Variants in CPNE8 observed in about 807,000 individuals in gnomAD.
The protein encoded by CPNE8 is copine-8.
In CPNE8, 45 loss-of-function variants were observed where a neutral mutation model predicts 81.5. The observed-to-expected ratio is 0.55, with a 90% confidence interval of 0.44 to 0.71. The LOEUF is 0.71. Ranked by LOEUF, CPNE8 falls within the 30% of genes least tolerant of loss-of-function variation. The pLI is 0.00. For missense variants in CPNE8, 594 were observed against 672.1 expected (o/e 0.88, Z 1.28); for synonymous variants, 252 against 226.3 (o/e 1.11, Z -1.02).
intron 13 of CPNE8, among the ~76,000 whole-genome samples, chr12:38,709,315 C>T (rs1018420242): frequency 6.6e-6 from 1 of 152,182 alleles, no homozygotes; most frequent in Non-Finnish European, 1.5e-5. Context: ...ACCTGAATGA[C>T]AATGCAGACA....
intron 1 of CPNE8, among the ~76,000 whole-genome samples, chr12:38,898,250 A>G (rs148015337): frequency 2.0e-5 from 3 of 151,980 alleles, no homozygotes; most frequent in Admixed American, 6.5e-5. Context: ...CCCAAATGCT[A>G]AAAAACACAG....
chr12:38,671,656 C>G (rs142729238), intron 18 of CPNE8, among the ~76,000 whole-genome samples: 1 of 152,112 alleles, frequency 6.6e-6, no homozygotes, highest in East Asian at 1.9e-4. Context: ...TCCAGAGAGC[C>G]GCTTACAATT....
At chr12:38,794,033 G>T (rs989241502) in intron 6 of CPNE8, among the ~76,000 whole-genome samples, 1 of 152,044 alleles carries the variant, frequency 6.6e-6, no homozygotes, top group Non-Finnish European at 1.5e-5. Context: ...TGTTTTGGAT[G>T]CTTATCTTAC....
chr12:38,873,008 C>G lies in CPNE8; in HGVS notation c.182G>C (p.Arg61Thr). 6 of 1,538,126 alleles carry G rather than the reference C, an allele frequency of 3.9e-6. No individual in the cohort carries two copies. The highest frequency in any genetic ancestry group is 5.4e-6 in the Non-Finnish European group (6 of 1,115,166). ...TTAAAAAAGTTTTAAACTTACCTCT[C>G]TCCATTCTTTATTTCCAACTCCTTG... ...YVQGVGNKEW[R>T]EFGRTEVIDN... Residue 61 changes from arginine to threonine, a missense_variant, in exon 3 of 20, where the codon AGA (arginine) becomes ACA (threonine). Coordinates refer to ENST00000331366, the MANE Select transcript of CPNE8 (RefSeq NM_153634.3).
intron 6 of CPNE8, among the ~76,000 whole-genome samples, chr12:38,792,598 A>C (rs906879882): frequency 2.6e-5 from 4 of 151,742 alleles, no homozygotes; most frequent in Admixed American, 2.6e-4. Flanking sequence ...AAAACCTCAC[A>C]ACAAAATTAA....
intron 1 of CPNE8, among the ~76,000 whole-genome samples, chr12:38,894,990 G>A (rs1592161637): frequency 6.6e-6 from 1 of 151,918 alleles, no homozygotes; most frequent in Admixed American, 6.6e-5. Flanking sequence ...GACACATGTT[G>A]GTTTCAACCA....
intron 6 of CPNE8, among the ~76,000 whole-genome samples, chr12:38,796,090 T>A (rs190525634): frequency 8.6e-4 from 131 of 152,126 alleles, no homozygotes; most frequent in African/African-American, 2.9e-3. Flanking sequence ...GTGAAGGCCG[T>A]CTCTACCACA....
chr12:38,767,761 A>G (rs749524111), intron 7 of CPNE8, 23 bp from the exon 8 acceptor site: 1 of 1,438,520 alleles, frequency 7.0e-7, no homozygotes, highest in African/African-American at 1.5e-5. Flanking sequence ...TTAATAAAAC[A>G]GTTCAAGATT....
chr12:38,853,395 A>C (rs770875318), intron 3 of CPNE8, among the ~76,000 whole-genome samples: 2 of 152,144 alleles, frequency 1.3e-5, no homozygotes, highest in Non-Finnish European at 2.9e-5. Flanking sequence ...AATATCAATA[A>C]TACTAGATTA....
intron 13 of CPNE8, chr12:38,720,544 C>T (rs1347759134): frequency 1.3e-5 from 2 of 152,120 alleles, no homozygotes; most frequent in African/African-American, 2.4e-5. Flanking sequence ...AAATTTATAA[C>T]ATTTCAATAC....
intron 10 of CPNE8, 29 bp from the exon 11 acceptor site, chr12:38,730,387 A>C: frequency 8.1e-7 from 1 of 1,237,692 alleles, no homozygotes; most frequent in Non-Finnish European, 1.2e-6. Flanking sequence ...AGTACATAAT[A>C]TTGGCTTTCA....
intron 7 of CPNE8, 65 bp downstream of exon 7, chr12:38,776,173 T>C (rs1941931296): frequency 6.5e-6 from 5 of 770,208 alleles, no homozygotes; most frequent in South Asian, 2.7e-5. Flanking sequence ...ATTAGTTAAG[T>C]ACAATTTTAG....
intron 11 of CPNE8, chr12:38,726,652 A>G (rs1441019557): frequency 6.6e-6 from 1 of 152,242 alleles, no homozygotes; most frequent in Non-Finnish European, 1.5e-5. Flanking sequence ...GTTTGAAAAT[A>G]AAAAGTTCAG....
At chr12:38,775,704 G>C (rs1941918109) in intron 7 of CPNE8, among the ~76,000 whole-genome samples, 1 of 152,138 alleles carries the variant, frequency 6.6e-6, no homozygotes, top group Non-Finnish European at 1.5e-5. Flanking sequence ...AAAATACAGA[G>C]TATGCACTCT....
At chr12:38,668,737 A>C (rs1455134226) in intron 19 of CPNE8, among the ~76,000 whole-genome samples, 2 of 152,142 alleles carry the variant, frequency 1.3e-5, no homozygotes, top group African/African-American at 2.4e-5. Context: ...GTGAATAATC[A>C]TGTGTCTAAT....
chr12:38,740,335 C>T (rs1435368363), intron 10 of CPNE8, among the ~76,000 whole-genome samples: 1 of 152,160 alleles, frequency 6.6e-6, no homozygotes, highest in African/African-American at 2.4e-5. Flanking sequence ...ACAGTCATGT[C>T]ATCTGCAAAC....
intron 10 of CPNE8, among the ~76,000 whole-genome samples, chr12:38,740,819 G>A (rs7981009): frequency 0.81 from 122,605 of 152,018 alleles, 52,414 homozygotes; most frequent in Middle Eastern, 0.97. Context: ...TTTTTGCATC[G>A]ATGTTCATCA....
intron 6 of CPNE8, among the ~76,000 whole-genome samples, chr12:38,815,909 G>A (rs1322199625): frequency 6.6e-6 from 1 of 152,074 alleles, no homozygotes; most frequent in Non-Finnish European, 1.5e-5. Flanking sequence ...TTCAGATTTT[G>A]TTTTTAAAAA....
intron 18 of CPNE8, among the ~76,000 whole-genome samples, chr12:38,673,642 A>G (rs1565562447): frequency 6.6e-6 from 1 of 152,172 alleles, no homozygotes; most frequent in Non-Finnish European, 1.5e-5. Flanking sequence ...GTGAAAACAG[A>G]AACCAGGTGT....
Sources: gnomAD v4.1 joint callset for allele counts (sites outside exome capture counted in the v4.1 genomes callset) on GRCh38, gnomAD v4.1.1 for gene constraint, MANE v1.5 for transcripts, NCBI Gene and HGNC (gene_info 2026-07-23, HGNC 2026-07-21) for gene names.